The following SLC44A5 variants were observed in gnomAD, a reference collection of about 807,000 sequenced individuals.
SLC44A5 encodes the protein choline transporter-like protein 5.
A neutral mutation model predicts 101.8 loss-of-function variants in SLC44A5; 57 were observed. The ratio of observed to expected loss-of-function variants is 0.56; its 90% CI spans 0.45 to 0.70. SLC44A5 has a LOEUF of 0.70. Among genes scored for constraint, SLC44A5 ranks in the 30% least tolerant of loss-of-function variants. SLC44A5 has a pLI of 0.00. For missense variants in SLC44A5, 737 were observed against 853.1 expected (o/e 0.86, Z 1.70); for synonymous variants, 281 against 290.9 (o/e 0.97, Z 0.35).
chr1:75,612,184 ATTAGGTCACC>A (rs1675684763), upstream of SLC44A5, among the ~76,000 whole-genome samples: 3 of 152,306 alleles, frequency 2.0e-5, no homozygotes, highest in Admixed American at 2.0e-4. Flanking sequence ...AGTGAAGTCT[ATTAGGTCACC>A]TTAGTTGGCC....
At chr1:75,373,733 C>G (rs2101187619) in intron 3 of SLC44A5, among the ~76,000 whole-genome samples, 1 of 152,238 alleles carries the variant, frequency 6.6e-6, no homozygotes, top group Non-Finnish European at 1.5e-5. Context: ...GGAGGTTGCC[C>G]ACAGCACAGC....
At chr1:75,605,155 A>G (rs1015464389) in intron 1 of SLC44A5, among the ~76,000 whole-genome samples, 5 of 152,052 alleles carry the variant, frequency 3.3e-5, no homozygotes. Context: ...CAATCCAGAG[A>G]ACTAGCAAAT....
intron 10 of SLC44A5, among the ~76,000 whole-genome samples, 163 bp from the exon 11 acceptor site, chr1:75,237,233 G>A (rs1487782554): frequency 6.6e-6 from 1 of 152,038 alleles, no homozygotes; most frequent in Non-Finnish European, 1.5e-5. Context: ...TACATAAAAT[G>A]TCACTTCAGT....
At chr1:75,699,180 C>A in the SLC44A5 span, among the ~76,000 whole-genome samples, 1 of 151,968 alleles carries the variant, frequency 6.6e-6, no homozygotes, top group Non-Finnish European at 1.5e-5. Flanking sequence ...TCGAGAAGAG[C>A]AACTCCACGA....
the SLC44A5 span, among the ~76,000 whole-genome samples, chr1:75,638,881 A>C: frequency 2.0e-5 from 3 of 152,094 alleles, no homozygotes; most frequent in African/African-American, 7.2e-5. Flanking sequence ...GAATGTAGAT[A>C]TCTTCTGCCA....
chr1:75,342,902 CT>C (rs1294510648), intron 3 of SLC44A5, among the ~76,000 whole-genome samples: 1 of 152,158 alleles, frequency 6.6e-6, no homozygotes, highest in Non-Finnish European at 1.5e-5. Context: ...TGAGCTGATT[CT>C]GTATAGTAAT....
At chr1:75,657,839 G>C in the SLC44A5 span, among the ~76,000 whole-genome samples, 1 of 152,110 alleles carries the variant, frequency 6.6e-6, no homozygotes, top group Non-Finnish European at 1.5e-5. Flanking sequence ...GGACTTCACT[G>C]TCCCTCTATT....
chr1:75,388,265 AAG>A (rs1289149919), intron 3 of SLC44A5, among the ~76,000 whole-genome samples: 10 of 151,700 alleles, frequency 6.6e-5, no homozygotes, highest in Admixed American at 4.6e-4. Flanking sequence ...AAAAAAAAAA[AAG>A]AAAATTCATT....
Position 75,202,800 on chromosome 1 carries a change from C to A in SLC44A5, c.*927G>T, listed in dbSNP as rs1646685277. 1 of 151,754 alleles carries A rather than the reference C, an allele frequency of 6.6e-6. No homozygotes were observed. Among genetic ancestry groups the A allele is most frequent in the Admixed American group, 6.6e-5 (1 of 15,242 alleles). 9.4% of individuals were successfully genotyped at this position (151,754 alleles called of 1,614,324 possible). On this transcript the variant is annotated 3_prime_UTR_variant, in exon 24 of 24. Transcript: ENST00000370859. ...AACACTGAGAAATGCAGTATTATAC[C>A]TATTGTATTTTCAAAGATCTACTAT...
intron 12 of SLC44A5, among the ~76,000 whole-genome samples, chr1:75,230,763 T>G (rs544579975): frequency 6.6e-6 from 1 of 152,040 alleles, no homozygotes; most frequent in African/African-American, 2.4e-5. Context: ...ACTACAGGTA[T>G]GCACCATCAT....
chr1:75,359,506 G>A (rs1017603960), intron 3 of SLC44A5, among the ~76,000 whole-genome samples: 13 of 151,744 alleles, frequency 8.6e-5, no homozygotes, highest in African/African-American at 3.1e-4. Context: ...CTCCCAAAGT[G>A]CTGGGATTAC....
intron 2 of SLC44A5, among the ~76,000 whole-genome samples, chr1:75,482,309 T>C (rs1046473463): frequency 2.0e-5 from 3 of 151,878 alleles, no homozygotes; most frequent in African/African-American, 4.8e-5. Flanking sequence ...TTAGGAGATA[T>C]ACCTAATGCT....
intron 4 of SLC44A5, among the ~76,000 whole-genome samples, chr1:75,307,919 G>A (rs1198175059): frequency 6.6e-6 from 1 of 152,124 alleles, no homozygotes; most frequent in African/African-American, 2.4e-5. Flanking sequence ...CTCATAGAAA[G>A]GCACAAATGA....
the SLC44A5 span, among the ~76,000 whole-genome samples, chr1:75,716,050 A>T: frequency 6.6e-6 from 1 of 152,334 alleles, no homozygotes; most frequent in East Asian, 1.9e-4. Context: ...GCCAACAAGC[A>T]TATGAAAAAA....
chr1:75,248,389 G>A (rs918748169), intron 7 of SLC44A5, among the ~76,000 whole-genome samples: 1 of 152,124 alleles, frequency 6.6e-6, no homozygotes, highest in Admixed American at 6.6e-5. Flanking sequence ...AAGAGGATGA[G>A]ATTTAATACA....
At position 75,215,810 on chromosome 1, in the gene SLC44A5, A is replaced by T. The variant is rs1474551248; in HGVS notation, c.1672T>A (p.Cys558Ser). The change falls in exon 19 of 24, where the codon TGC becomes AGC. Residue 558 changes from cysteine (C) to serine (S), a missense_variant. Cys to Ser is a moderately radical substitution (Grantham distance 112, BLOSUM62 -1). Coordinates refer to ENST00000370859, the MANE Select transcript of SLC44A5 (RefSeq NM_001130058.2). ...ATTGCATTTTCCAAACACCAGAAGC[A>T]GCATCTCAGGCAGCATTGTAGGAAT... The part of the protein sequence containing the change: ...SKFLQCCLRC[C>S]FWCLENAIKF... 1.2e-6 allele frequency: 2 copies of T among 1,609,434 alleles called. No individual in the cohort carries two copies. Among genetic ancestry groups the T allele is most frequent in the Non-Finnish European group, 1.7e-6 (2 of 1,176,196 alleles).
chr1:75,495,443 A>C (rs1364255105), intron 2 of SLC44A5, among the ~76,000 whole-genome samples: 2 of 152,076 alleles, frequency 1.3e-5, no homozygotes, highest in African/African-American at 4.8e-5. Context: ...TGACAGAGAG[A>C]GACTCCATCT....
rs1280952745 is a variant in SLC44A5 at position 75,600,473 on chromosome 1, G to A, written c.-70+10567C>T. ...TCATTAGTTTTATAATTTTGAGCAG[G>A]TTGTTTAACCTCTGTGAATTGTCTC... On this transcript the variant is annotated intron_variant, in intron 1 of 23. Coordinates refer to ENST00000370859, the MANE Select transcript of SLC44A5 (RefSeq NM_001130058.2). Among the ~76,000 whole-genome samples the A allele has an allele frequency of 5.9e-5, 9 of 152,052 alleles. No individual in the cohort carries two copies. In the East Asian group the frequency reaches 1.5e-3, roughly 26 times the overall value.
chr1:75,640,076 T>A, the SLC44A5 span, among the ~76,000 whole-genome samples: 26 of 152,162 alleles, frequency 1.7e-4, no homozygotes, highest in Admixed American at 9.8e-4. Flanking sequence ...AAGTTACTTG[T>A]TACTGTGTGG....
Sources: allele counts gnomAD v4.1 joint callset (sites outside exome capture counted in the v4.1 genomes callset), GRCh38; gene constraint gnomAD v4.1.1; transcripts MANE v1.5; gene names NCBI Gene and HGNC (gene_info 2026-07-23, HGNC 2026-07-21).